NPHP4: variants seen among roughly 807,000 people sequenced by gnomAD.
NPHP4 encodes nephrocystin-4.
A neutral mutation model predicts 155.8 loss-of-function variants in NPHP4; 151 were observed. The ratio of observed to expected loss-of-function variants is 0.97; its 90% CI spans 0.85 to 1.11. NPHP4 has a LOEUF of 1.11. Among genes scored for constraint, NPHP4 ranks in the 50% least tolerant of loss-of-function variants. The probability of loss-of-function intolerance (pLI) is 0.00; values close to 1 mark genes in which losing one functional copy is unlikely to be tolerated. For missense variants in NPHP4, 1,956 were observed against 1,925.7 expected, an observed-to-expected ratio of 1.02 and a Z score of -0.29; for synonymous variants, 845 against 816.8, an observed-to-expected ratio of 1.03 and a Z score of -0.59.
intron 2 of NPHP4, among the ~76,000 whole-genome samples, chr1:5,984,543 A>AT (rs1655181762): frequency 6.6e-6 from 1 of 152,194 alleles, no homozygotes; most frequent in Non-Finnish European, 1.5e-5. Flanking sequence ...TCAAAAAAAA[A>AT]GAAAGAATGG....
chr1:5,962,254 C>T lies in NPHP4; in HGVS notation c.518-305G>A, dbSNP rs535951009. 3.3e-5 allele frequency among the ~76,000 whole-genome samples: 5 copies of T among 152,186 alleles called. No homozygotes were observed. In the South Asian group the frequency reaches 1.0e-3, roughly 31 times the overall value. ...GAGAGCAGTGGTGTAATCATAGCTT[C>T]CTGAAGCCTCAAACTCCAGGGCTCA... On this transcript the variant is annotated intron_variant, in intron 5 of 29. Transcript: ENST00000378156.
At chr1:5,967,784 A>G (rs1651804358) in intron 4 of NPHP4, among the ~76,000 whole-genome samples, 1 of 152,060 alleles carries the variant, frequency 6.6e-6, no homozygotes. Flanking sequence ...AGGGCCAGGG[A>G]GCAGGGAGGC....
chr1:5,977,097 C>A (rs1299384983), intron 3 of NPHP4, among the ~76,000 whole-genome samples: 2 of 152,116 alleles, frequency 1.3e-5, no homozygotes, highest in Non-Finnish European at 2.9e-5. Context: ...GCACACCCGT[C>A]GTGCTCAGAC....
chr1:5,928,232 C>T (rs1367532163), intron 10 of NPHP4, among the ~76,000 whole-genome samples: 1 of 152,196 alleles, frequency 6.6e-6, no homozygotes, highest in Non-Finnish European at 1.5e-5. Context: ...CTAACCCGGG[C>T]AATCTATGAC....
At chr1:5,953,990 T>C (rs1022761176) in intron 6 of NPHP4, among the ~76,000 whole-genome samples, 1 of 152,194 alleles carries the variant, frequency 6.6e-6, no homozygotes, top group Non-Finnish European at 1.5e-5. Flanking sequence ...GAGGTAACAC[T>C]CCATGCTGAT....
Position 5,882,815 on chromosome 1 carries a change from C to T in NPHP4, c.2486-2576G>A, listed in dbSNP as rs532393864. 1.3e-5 allele frequency: 2 copies of T among 152,482 alleles called. No individual in the cohort carries two copies. Among genetic ancestry groups the T allele is most frequent in the East Asian group, 3.9e-4 (2 of 5,188 alleles). 9.4% of individuals were successfully genotyped at this position (152,482 alleles called of 1,614,324 possible). ...CTTCCCCTCAAGTTAAAGCCTGCAC[C>T]CTCCCAGTGGAGGCTGCAGAGCCTC... On this transcript the variant is annotated intron_variant, in intron 18 of 29. Coordinates refer to ENST00000378156, the MANE Select transcript of NPHP4 (RefSeq NM_015102.5). This position sits in a 1 kb window ranked among gnomAD's most constrained non-coding sequence, Gnocchi z 5.1.
intron 4 of NPHP4, among the ~76,000 whole-genome samples, chr1:5,968,570 C>T (rs540303332): frequency 5.9e-5 from 9 of 151,474 alleles, no homozygotes; most frequent in African/African-American, 1.7e-4. Context: ...CACTGCACTA[C>T]AGCCTGGGTG....
intron 16 of NPHP4, among the ~76,000 whole-genome samples, chr1:5,902,530 A>C (rs1644729915): frequency 6.6e-6 from 1 of 152,220 alleles, no homozygotes; most frequent in Admixed American, 6.5e-5. Flanking sequence ...GTACCTGGTG[A>C]CCCTGGTGCC....
rs1367973067 is a variant in NPHP4 at position 5,890,720 on chromosome 1, CA to C, written c.2304+147del. On this transcript the variant is annotated intron_variant, in intron 17 of 29. Transcript: ENST00000378156. This position sits in a 1 kb window ranked among gnomAD's most constrained non-coding sequence, Gnocchi z 4.9. ...TCCTTTCAAGAAACAGAGAATGCAG[CA>C]CTATTTTTAACGAGTGAACAAAGAA... 3.5e-6 allele frequency: 2 copies of C among 564,970 alleles called. No individual in the cohort carries two copies. Among genetic ancestry groups the C allele is most frequent in the African/African-American group, 1.9e-5 (1 of 52,856 alleles). 35.0% of individuals were successfully genotyped at this position (564,970 alleles called of 1,614,324 possible).
chr1:5,978,171 G>C (rs1654028419), intron 3 of NPHP4, 99 bp downstream of exon 3: 1 of 1,127,058 alleles, frequency 8.9e-7, no homozygotes, highest in South Asian at 1.5e-5. Context: ...CGCGCTGTGA[G>C]GTCTCGGCAA....
chr1:5,964,931 A>ATTTTTTTTTTTTTT, intron 5 of NPHP4, among the ~76,000 whole-genome samples: 1 of 23,900 alleles, frequency 4.2e-5, no homozygotes, highest in Non-Finnish European at 7.0e-5. Flanking sequence ...ATATATATAT[A>ATTTTTTTTTTTTTT]TATATATATA....
intron 11 of NPHP4, among the ~76,000 whole-genome samples, chr1:5,926,242 C>T (rs555288281): frequency 6.6e-6 from 1 of 152,186 alleles, no homozygotes; most frequent in East Asian, 1.9e-4. Flanking sequence ...AAATGCATCA[C>T]CTCTATGAAA....
intron 9 of NPHP4, among the ~76,000 whole-genome samples, chr1:5,934,864 G>T (rs913925578): frequency 4.6e-5 from 7 of 152,216 alleles, no homozygotes; most frequent in Non-Finnish European, 8.8e-5. Context: ...GGGAGCGAAG[G>T]AGGAGGCAAG....
At chr1:5,955,408 C>G (rs543869659) in intron 6 of NPHP4, among the ~76,000 whole-genome samples, 1 of 152,220 alleles carries the variant, frequency 6.6e-6, no homozygotes, top group Non-Finnish European at 1.5e-5. Flanking sequence ...GAAATGAAAT[C>G]AGTATGTCAA....
chr1:5,978,587 C>T (rs1264031514), intron 2 of NPHP4, among the ~76,000 whole-genome samples, 174 bp from the exon 3 acceptor site: 1 of 152,054 alleles, frequency 6.6e-6, no homozygotes, highest in Non-Finnish European at 1.5e-5. Context: ...GGTTATAAAC[C>T]AAAGCATTTG....
intron 11 of NPHP4, among the ~76,000 whole-genome samples, chr1:5,916,367 C>T (rs1210520822): frequency 1.3e-5 from 2 of 152,096 alleles, no homozygotes; most frequent in Non-Finnish European, 2.9e-5. Context: ...GAAAAGTTTC[C>T]ATCATAAGTT....
intron 18 of NPHP4, among the ~76,000 whole-genome samples, chr1:5,884,433 AC>A (rs952968461): frequency 6.8e-6 from 1 of 146,550 alleles, no homozygotes; most frequent in African/African-American, 2.5e-5. Flanking sequence ...TCCCAGCCGA[AC>A]CCCCGTCCTA....
chr1:5,880,233 G>A lies in NPHP4; in HGVS notation c.2492C>T (p.Pro831Leu), dbSNP rs568060648. The A allele has an allele frequency of 3.5e-5, 56 of 1,613,366 alleles. No homozygotes were observed. Among genetic ancestry groups the A allele is most frequent in the East Asian group, 2.9e-4 (13 of 44,848 alleles). ...ACAACCTCTCACTTTCTGTTCACAC[G>A]GGTGACCTACATGAAAAACATCCCA... is the stretch of plus-strand genomic sequence containing the variant. Reference protein sequence around the residue: ...LHLTLANVGHPCEQKVRGCST... With the variant: ...LHLTLANVGHLCEQKVRGCST... Residue 831 changes from proline (P) to leucine (L), a missense_variant, in exon 19 of 30, where the codon CCG (proline) becomes CTG (leucine). By Grantham distance (98) the Pro-to-Leu change is moderately conservative. Coordinates refer to ENST00000378156, the MANE Select transcript of NPHP4 (RefSeq NM_015102.5).
chr1:5,947,350 GCAA>G, intron 8 of NPHP4, 120 bp from the exon 9 acceptor site: 1 of 973,090 alleles, frequency 1.0e-6, no homozygotes, highest in Non-Finnish European at 1.6e-6. Context: ...GGGTGCTGCT[GCAA>G]CAGCAAGTCC....
Sources: gnomAD v4.1 joint callset for allele counts (sites outside exome capture counted in the v4.1 genomes callset) on GRCh38, gnomAD v4.1.1 for gene constraint, Gnocchi (gnomAD v3.1) non-coding constraint, MANE v1.5 for transcripts, NCBI Gene and HGNC (gene_info 2026-07-23, HGNC 2026-07-21) for gene names.